Variants in GNPTAB observed in about 807,000 individuals in gnomAD.
GNPTAB encodes N-acetylglucosamine-1-phosphate transferase subunits alpha and beta, also known as N-acetylglucosamine-1-phosphotransferase subunits alpha/beta.
In GNPTAB, 92 loss-of-function variants were observed where a neutral mutation model predicts 136.6. That is an observed-to-expected ratio of 0.67 (90% CI 0.57 to 0.80). The LOEUF is 0.80. Among genes scored for constraint, GNPTAB ranks in the 30% least tolerant of loss-of-function variants. The pLI is 0.00. For synonymous variants in GNPTAB, 512 were observed against 535.1 expected, an observed-to-expected ratio of 0.96 and a Z score of 0.60; for missense variants, 1,343 against 1,501.8, an observed-to-expected ratio of 0.89 and a Z score of 1.75.
At chr12:101,793,372 T>C (rs1178121503) in intron 2 of GNPTAB, among the ~76,000 whole-genome samples, 2 of 152,240 alleles carry the variant, frequency 1.3e-5, no homozygotes, top group Non-Finnish European at 2.9e-5. Context: ...GAGAATTACA[T>C]CTTAAGCTTT....
intron 1 of GNPTAB, among the ~76,000 whole-genome samples, chr12:101,824,434 T>TATATATATATATATATA (rs1566103110): frequency 1.5e-5 from 1 of 67,974 alleles, no homozygotes; most frequent in African/African-American, 6.4e-5. Context: ...ATATATATAT[T>TATATATATATATATATA]TTCTTTTTTT....
intron 1 of GNPTAB, among the ~76,000 whole-genome samples, chr12:101,819,742 C>T (rs1870704261): frequency 6.6e-6 from 1 of 152,096 alleles, no homozygotes; most frequent in African/African-American, 2.4e-5. Context: ...GATTCTGCAT[C>T]TGTATCGCAA....
chr12:101,822,398 C>T (rs951991874), intron 1 of GNPTAB, among the ~76,000 whole-genome samples: 1 of 152,088 alleles, frequency 6.6e-6, no homozygotes. Flanking sequence ...TGGGCGACAG[C>T]GAGACTCCGT....
chr12:101,817,829 G>A (rs1870582861), intron 1 of GNPTAB, among the ~76,000 whole-genome samples: 1 of 152,120 alleles, frequency 6.6e-6, no homozygotes, highest in African/African-American at 2.4e-5. Context: ...TGTGGATTCT[G>A]AAGCATTATA....
chr12:101,817,282 T>G (rs990291772), intron 1 of GNPTAB, among the ~76,000 whole-genome samples: 1 of 149,516 alleles, frequency 6.7e-6, no homozygotes, highest in African/African-American at 2.5e-5. Flanking sequence ...TTTTTTTTTT[T>G]TTTTTGAGAC....
intron 5 of GNPTAB, among the ~76,000 whole-genome samples, chr12:101,781,699 AC>A (rs1404681010): frequency 6.6e-6 from 1 of 152,132 alleles, no homozygotes. Context: ...CTGAAAAAAA[AC>A]AATATAGTTG....
chr12:101,812,581 AC>A (rs138080259), intron 1 of GNPTAB, among the ~76,000 whole-genome samples: 4 of 151,346 alleles, frequency 2.6e-5, no homozygotes, highest in Admixed American at 6.6e-5. Context: ...CATGGTGAGA[AC>A]CCCCCCATCT....
At chr12:101,812,897 C>G (rs1870310722) in intron 1 of GNPTAB, among the ~76,000 whole-genome samples, 1 of 152,132 alleles carries the variant, frequency 6.6e-6, no homozygotes, top group African/African-American at 2.4e-5. Flanking sequence ...GTCAACCTCC[C>G]AGACTTAAGC....
chr12:101,766,899 A>T (rs1464482906), intron 11 of GNPTAB, among the ~76,000 whole-genome samples: 1 of 152,202 alleles, frequency 6.6e-6, no homozygotes, highest in Non-Finnish European at 1.5e-5. Context: ...GGAGCACGAA[A>T]ACAAGAAGAG....
chr12:101,775,848 A>G (rs1953255790), intron 7 of GNPTAB, among the ~76,000 whole-genome samples: 1 of 152,212 alleles, frequency 6.6e-6, no homozygotes, highest in Admixed American at 6.5e-5. Context: ...AATTATGACA[A>G]TTTACTGTGA....
Position 101,764,235 on chromosome 12 carries a change from C to T in GNPTAB, c.2682G>A (p.Trp894Ter), listed in dbSNP as rs779927550. ...GATCTTGGAAATACTTTTTTTTCTC[C>T]CATGGCAAAAAGCCCAAGTAACTAT... ...YTDSYLGFLP[W>*]EKKKYFQDLL... Residue 894 changes from tryptophan to a stop codon, truncating the protein, a stop_gained, in exon 13 of 21, where the codon TGG becomes TGA. Transcript: ENST00000299314. LOFTEE classifies it high-confidence loss of function. 6.2e-7 allele frequency: 1 copy of T among 1,613,266 alleles called. No homozygotes were observed. The highest frequency in any genetic ancestry group is 8.5e-7 in the Non-Finnish European group (1 of 1,179,642).
At chr12:101,779,987 C>A in intron 7 of GNPTAB, 165 bp downstream of exon 7, 1 of 706,558 alleles carries the variant, frequency 1.4e-6, no homozygotes, top group Non-Finnish European at 2.4e-6. Flanking sequence ...TAGATTTTTG[C>A]CCAAATTAAA....
At chr12:101,787,196 C>G (rs1339207594) in intron 4 of GNPTAB, among the ~76,000 whole-genome samples, 2 of 152,054 alleles carry the variant, frequency 1.3e-5, no homozygotes, top group African/African-American at 2.4e-5. Flanking sequence ...ATGCCACAGA[C>G]CTAAATATAA....
chr12:101,758,166 G>C (rs1842034379), intron 16 of GNPTAB, among the ~76,000 whole-genome samples: 1 of 151,726 alleles, frequency 6.6e-6, no homozygotes, highest in East Asian at 1.9e-4. Context: ...AGTTTCCCGA[G>C]TAGCTGGGAT....
In GNPTAB at chr12:101,766,244, T is replaced by C. The variant is rs1158969069; in HGVS notation, c.1459A>G (p.Ile487Val). Residue 487 changes from isoleucine to valine, a missense_variant, in exon 12 of 21, where the codon ATT becomes GTT. By Grantham distance (29) the Ile-to-Val change is conservative. Transcript: ENST00000299314. ...AACTGCCAGGGCTGTCCAACTCCAA[T>C]ACTCCCAGTACCTCCACCTCCTGCA... is the stretch of plus-strand genomic sequence containing the variant. ...YIAGGGGTGSIGVGQPWQFGG... is the reference protein window; with the variant it reads ...YIAGGGGTGSVGVGQPWQFGG... 6.2e-7 allele frequency: 1 copy of C among 1,614,068 alleles called. No homozygotes were observed. Among genetic ancestry groups the C allele is most frequent in the East Asian group, 2.2e-5 (1 of 44,870 alleles).
At chr12:101,780,077 A>T in intron 7 of GNPTAB, 75 bp downstream of exon 7, 5 of 1,439,936 alleles carry the variant, frequency 3.5e-6, no homozygotes, top group Non-Finnish European at 3.9e-6. Flanking sequence ...GGGGGAAAAA[A>T]ATGGACCACA....
chr12:101,760,490 G>T (rs2137111096), intron 15 of GNPTAB, among the ~76,000 whole-genome samples: 1 of 152,198 alleles, frequency 6.6e-6, no homozygotes, highest in South Asian at 2.1e-4. Context: ...TGAAGGAGGG[G>T]CTAGCTGAGA....
chr12:101,757,258 C>T lies in GNPTAB; in HGVS notation c.3388G>A (p.Val1130Ile), dbSNP rs768634271. The T allele has an allele frequency of 6.2e-6, 10 of 1,610,064 alleles. No individual in the cohort carries two copies. The highest frequency in any genetic ancestry group is 2.2e-5 in the East Asian group (1 of 44,834). Residue 1130 changes from valine (V) to isoleucine (I), a missense_variant, in exon 18 of 21, where the codon GTT becomes ATT. Coordinates refer to ENST00000299314, the MANE Select transcript of GNPTAB (RefSeq NM_024312.5). The stretch of plus-strand genomic sequence containing the variant: ...TCCAACTGGCCAACCACATGAGAAA[C>T]GTTGGTACGAATCATTTTAAAAGCG... ...EIAFKMIRTN[V>I]SHVVGQLDDI...
rs778784398 is a variant in GNPTAB at position 101,830,704 on chromosome 12, A to C, written c.-29T>G. On this transcript the variant is annotated 5_prime_UTR_variant, in exon 1 of 21. Coordinates refer to ENST00000299314, the MANE Select transcript of GNPTAB (RefSeq NM_024312.5). ...CCCTTCACCGCCACGCCACGCCCCG[A>C]GGAGCCTGAGCCGCCGCCGCCGCCG... is the stretch of plus-strand genomic sequence containing the variant. 1.4e-6 allele frequency: 2 copies of C among 1,405,220 alleles called. No homozygotes were observed. The highest frequency in any genetic ancestry group is 3.6e-5 in the African/African-American group (2 of 55,468). 87.0% of individuals were successfully genotyped at this position (1,405,220 alleles called of 1,614,324 possible).
Sources: allele counts gnomAD v4.1 joint callset (sites outside exome capture counted in the v4.1 genomes callset), GRCh38; gene constraint gnomAD v4.1.1; transcripts MANE v1.5; gene names NCBI Gene and HGNC (gene_info 2026-07-23, HGNC 2026-07-21).